PDGFRB: variants seen among roughly 807,000 people sequenced by gnomAD.
PDGFRB encodes the protein platelet derived growth factor receptor beta, also known as platelet-derived growth factor receptor beta.
A neutral mutation model predicts 120.2 loss-of-function variants in PDGFRB; 42 were observed. That is an observed-to-expected ratio of 0.35 (90% CI 0.27 to 0.45). The LOEUF (loss-of-function observed/expected upper bound fraction) is 0.45, where lower values mean the gene tolerates loss of function less well. PDGFRB is among the 20% of genes least tolerant of loss of function. The pLI is 1.00. For missense variants in PDGFRB, 1,149 were observed against 1,476.3 expected, an observed-to-expected ratio of 0.78 and a Z score of 3.63; for synonymous variants, 586 against 606.8, an observed-to-expected ratio of 0.97 and a Z score of 0.50.
intron 10 of PDGFRB, among the ~76,000 whole-genome samples, chr5:150,128,744 T>C (rs924414424): frequency 1.3e-5 from 2 of 152,236 alleles, no homozygotes; most frequent in Admixed American, 1.3e-4. Context: ...TAGCTGGGCA[T>C]GGGACCCCTT....
At position 150,124,301 on chromosome 5, in the gene PDGFRB, G is replaced by A. The variant is rs767886107; in HGVS notation, c.1972C>T (p.Leu658Phe). ...LMSELKIMSH[L>F]GPHLNVVNLL... Reference sequence around the variant, plus strand: ...TTGACCACGTTCAGGTGGGGCCCAAGGTGACTCATGATCTTCAGCTCCGAC... The same window carrying A: ...TTGACCACGTTCAGGTGGGGCCCAAAGTGACTCATGATCTTCAGCTCCGAC... Residue 658 changes from leucine to phenylalanine, a missense_variant, in exon 14 of 23, where the codon CTT becomes TTT. By Grantham distance (22) the Leu-to-Phe change is conservative (BLOSUM62 0). Around this residue, in one of 3 missense-constraint regions of PDGFRB, gnomAD observed 879 missense variants for 1,108.6 expected, o/e 0.79. Coordinates refer to ENST00000261799, the MANE Select transcript of PDGFRB (RefSeq NM_002609.4). The A allele has an allele frequency of 1.2e-6, 2 of 1,614,158 alleles. No homozygotes were observed. Among genetic ancestry groups the A allele is most frequent in the Non-Finnish European group, 1.7e-6 (2 of 1,179,976 alleles).
At chr5:150,141,977 G>T (rs79913727) in intron 1 of PDGFRB, among the ~76,000 whole-genome samples, 5 of 152,030 alleles carry the variant, frequency 3.3e-5, no homozygotes, top group African/African-American at 1.2e-4. Context: ...TGCAGGGAGA[G>T]GGGGGTGCTG....
At chr5:150,146,549 T>C (rs1760927481) in intron 1 of PDGFRB, among the ~76,000 whole-genome samples, 1 of 152,172 alleles carries the variant, frequency 6.6e-6, no homozygotes, top group South Asian at 2.1e-4. Flanking sequence ...GCCTATATTC[T>C]TTCTTTTTTT....
intron 1 of PDGFRB, among the ~76,000 whole-genome samples, chr5:150,139,764 G>C (rs551703797): frequency 5.3e-5 from 8 of 152,196 alleles, no homozygotes; most frequent in Non-Finnish European, 7.4e-5. Flanking sequence ...GGCGGATCAC[G>C]AGGTTGAGAG....
At position 150,155,579 on chromosome 5, in the gene PDGFRB, G is replaced by A. The variant is rs1761208549; in HGVS notation, c.-189C>T. 1 of 398,878 alleles carries A rather than the reference G, an allele frequency of 2.5e-6. No individual in the cohort carries two copies. The highest frequency in any genetic ancestry group is 2.1e-5 in the African/African-American group (1 of 48,736). The allele number at this position is 398,878 out of a possible 1,614,324, so 24.7% of individuals were successfully genotyped here. ...GCTCCTGAAGGCTCAGGAGAACAGA[G>A]GGATGGAGGAAGGGGGCTGCTGTAG... On this transcript the variant is annotated 5_prime_UTR_variant, in exon 1 of 23. Transcript: ENST00000261799.
At chr5:150,124,891 C>T (rs1760251183) in intron 12 of PDGFRB, 60 bp from the exon 13 acceptor site, 2 of 771,846 alleles carry the variant, frequency 2.6e-6, no homozygotes, top group Non-Finnish European at 4.2e-6. Flanking sequence ...GCTCCCCCAG[C>T]TGCCCCCCTC....
intron 2 of PDGFRB, 145 bp downstream of exon 2, chr5:150,136,863 C>A: frequency 1.5e-6 from 1 of 669,654 alleles, no homozygotes; most frequent in Non-Finnish European, 2.6e-6. Flanking sequence ...ACAGAGCCCA[C>A]TGGAAATCCT....
chr5:150,129,613 C>A (rs1417763028), intron 10 of PDGFRB, 144 bp downstream of exon 10: 2 of 649,938 alleles, frequency 3.1e-6, no homozygotes, highest in Non-Finnish European at 5.4e-6. Context: ...TATGCATGTA[C>A]ACAACAGGGT....
Position 150,121,642 on chromosome 5 carries a change from C to T in PDGFRB, c.2344+238G>A, listed in dbSNP as rs1048194884. 2.0e-5 allele frequency among the ~76,000 whole-genome samples: 3 copies of T among 152,262 alleles called. No homozygotes were observed. The highest frequency in any genetic ancestry group is 2.9e-5 in the Non-Finnish European group (2 of 68,048). ...CCCTACCACGACAAAAGGCCAGGTC[C>T]TCCCATATCCCTGCTCTCTCCCTCC... On this transcript the variant is annotated intron_variant, in intron 16 of 22. Transcript: ENST00000261799. This position sits in a 1 kb window ranked among gnomAD's most constrained non-coding sequence, Gnocchi z 4.1.
rs777277212 is a variant in PDGFRB at position 150,132,867 on chromosome 5, T to C, written c.1010A>G (p.Gln337Arg). Residue 337 changes from glutamine to arginine, a missense_variant, in exon 7 of 23, where the codon CAG becomes CGG. Coordinates refer to ENST00000261799, the MANE Select transcript of PDGFRB (RefSeq NM_002609.4). This position sits in a 1 kb window ranked among gnomAD's most constrained non-coding sequence, Gnocchi z 5.0. ...CGGTGGGTAGGCCTCGAACACTACC[T>C]GCAGTGTCCGGCTCCGATGCAGCTC... ...FAELHRSRTL[Q>R]VVFEAYPPPT... The C allele has an allele frequency of 6.2e-7, 1 of 1,603,950 alleles. No homozygotes were observed. The highest frequency in any genetic ancestry group is 8.5e-7 in the Non-Finnish European group (1 of 1,175,454).
At chr5:150,116,108 A>T (rs1340742725) in intron 22 of PDGFRB, among the ~76,000 whole-genome samples, 162 bp from the exon 23 acceptor site, 1 of 152,166 alleles carries the variant, frequency 6.6e-6, no homozygotes, top group Non-Finnish European at 1.5e-5. Flanking sequence ...CACCGTGAGG[A>T]AAGTGTGGCT....
Position 150,155,710 on chromosome 5 carries a change from G to A in PDGFRB, c.-320C>T, listed in dbSNP as rs1306022048. 5.0e-6 allele frequency: 2 copies of A among 398,622 alleles called. No homozygotes were observed. The highest frequency in any genetic ancestry group is 8.8e-6 in the Non-Finnish European group (2 of 226,088). 24.7% of individuals were successfully genotyped at this position (398,622 alleles called of 1,614,324 possible). On this transcript the variant is annotated 5_prime_UTR_variant, in exon 1 of 23. Transcript: ENST00000261799. ...TCTGGCTGTCTGCGTTGGGCAGGGC[G>A]AGCACAGGCTGCTGCTGGGCAGCAG... is the stretch of plus-strand genomic sequence containing the variant.
In PDGFRB at chr5:150,119,922, C is replaced by A. The variant is rs575371008; in HGVS notation, c.2698+90G>T. The A allele has an allele frequency of 9.9e-4, 756 of 767,020 alleles. 5 individuals carry two copies. Among genetic ancestry groups the A allele is most frequent in the Admixed American group, 2.0e-3 (114 of 56,922 alleles). 47.5% of individuals were successfully genotyped at this position (767,020 alleles called of 1,614,324 possible). On this transcript the variant is annotated intron_variant, in intron 19 of 22. Coordinates refer to ENST00000261799, the MANE Select transcript of PDGFRB (RefSeq NM_002609.4). ...GAACCAGGATCCCTGTATCAGGGCT[C>A]GTCCCATAGCCCCACCAGGCCAGAG...
chr5:150,115,929 A>T lies in PDGFRB; in HGVS notation c.3155T>A (p.Val1052Asp). The T allele has an allele frequency of 4.4e-6, 7 of 1,579,034 alleles. No homozygotes were observed. Among genetic ancestry groups the T allele is most frequent in the Non-Finnish European group, 6.0e-6 (7 of 1,160,802 alleles). Residue 1052 changes from valine to aspartate, a missense_variant, in exon 23 of 23, where the codon GTC (valine) becomes GAC (aspartate). Physicochemically the swap from Val to Asp is radical, Grantham distance 152 (BLOSUM62 -3). Coordinates refer to ENST00000261799, the MANE Select transcript of PDGFRB (RefSeq NM_002609.4). ...ACAGGAGATGGTTGAGGAGGTGTTG[A>T]CTTCATTCAGGGTGGAGCTAGAGGA... is the stretch of plus-strand genomic sequence containing the variant. Reference protein sequence around the residue: ...PSLASSTLNEVNTSSTISCDS... With the variant: ...PSLASSTLNEDNTSSTISCDS...
chr5:150,133,962 G>A lies in PDGFRB; in HGVS notation c.678C>T (p.Arg226=). 5 of 1,612,910 alleles carry A rather than the reference G, an allele frequency of 3.1e-6. No individual in the cohort carries two copies. Among genetic ancestry groups the A allele is most frequent in the Non-Finnish European group, 3.4e-6 (4 of 1,178,886 alleles). The stretch of plus-strand genomic sequence containing the variant: ...ACATGAGGGTGATGTTCTCACCCTG[G>A]CGGACCACAGTCTGCACTGCGTTCA... ...VSVNAVQTVV[R]QGENITLMCI... is the part of the protein sequence containing the mutation. Residue 226 remains arginine, a synonymous_variant, in exon 5 of 23, where the codon CGC becomes CGT. Transcript: ENST00000261799.
chr5:150,121,877 C>T lies in PDGFRB; in HGVS notation c.2344+3G>A. ...GGGGTACTATGTCACTATGTCCACCCACCAGAGGGAACGTAGTTATCGTAA... is the reference window on the plus strand; with the variant it reads ...GGGGTACTATGTCACTATGTCCACCTACCAGAGGGAACGTAGTTATCGTAA... On this transcript the variant is annotated splice_donor_region_variant and intron_variant, in intron 16 of 22. Coordinates refer to ENST00000261799, the MANE Select transcript of PDGFRB (RefSeq NM_002609.4). This position sits in a 1 kb window ranked among gnomAD's most constrained non-coding sequence, Gnocchi z 4.1. 2 of 1,609,592 alleles carry T rather than the reference C, an allele frequency of 1.2e-6. No homozygotes were observed. The highest frequency in any genetic ancestry group is 8.5e-7 in the Non-Finnish European group (1 of 1,176,044).
At chr5:150,123,994 T>G (rs1580798979) in intron 14 of PDGFRB, among the ~76,000 whole-genome samples, 1 of 152,256 alleles carries the variant, frequency 6.6e-6, no homozygotes, top group Non-Finnish European at 1.5e-5. Flanking sequence ...AATAAAAAAG[T>G]GTCAGCCAAC....
At chr5:150,144,996 G>A (rs945333411) in intron 1 of PDGFRB, among the ~76,000 whole-genome samples, 1 of 152,162 alleles carries the variant, frequency 6.6e-6, no homozygotes, top group Non-Finnish European at 1.5e-5. Context: ...GGTTTGAACT[G>A]TGCAGGTCCA....
chr5:150,154,158 G>A (rs1188274770), intron 1 of PDGFRB, among the ~76,000 whole-genome samples: 2 of 152,154 alleles, frequency 1.3e-5, no homozygotes, highest in African/African-American at 2.4e-5. Flanking sequence ...ACCTAGGAAG[G>A]CTGCCTGGAA....
Sources: allele counts gnomAD v4.1 joint callset (sites outside exome capture counted in the v4.1 genomes callset), GRCh38; gene constraint gnomAD v4.1.1; regional missense constraint gnomAD v4.1.1; non-coding constraint Gnocchi (gnomAD v3.1); transcripts MANE v1.5; gene names NCBI Gene and HGNC (gene_info 2026-07-23, HGNC 2026-07-21).